ARHGEF28: variants seen among roughly 807,000 people sequenced by gnomAD.
ARHGEF28 encodes the protein 190 kDa guanine nucleotide exchange factor.
A neutral mutation model predicts 206.6 loss-of-function variants in ARHGEF28; 152 were observed. The observed-to-expected ratio is 0.74, with a 90% CI of 0.64 to 0.84. The LOEUF (loss-of-function observed/expected upper bound fraction) is 0.84. Ranked by LOEUF, ARHGEF28 falls within the 40% of genes least tolerant of loss-of-function variation. The pLI, the probability that ARHGEF28 is intolerant of heterozygous loss-of-function variation, is 0.00. For missense variants in ARHGEF28, 2,028 were observed against 2,073.2 expected (o/e 0.98, Z 0.42); for synonymous variants, 763 against 776.4 (o/e 0.98, Z 0.29).
chr5:73,892,968 A>G (rs1011765932), intron 27 of ARHGEF28, among the ~76,000 whole-genome samples: 12 of 152,084 alleles, frequency 7.9e-5, no homozygotes, highest in African/African-American at 2.9e-4. Flanking sequence ...TCACTGGAAT[A>G]TTTGAGTCAT....
chr5:73,842,196 A>G (rs1324353412), intron 11 of ARHGEF28, among the ~76,000 whole-genome samples: 1 of 152,134 alleles, frequency 6.6e-6, no homozygotes, highest in Non-Finnish European at 1.5e-5. Context: ...TTTCCCCCAT[A>G]TCCTACCCAT....
intron 29 of ARHGEF28, among the ~76,000 whole-genome samples, chr5:73,895,341 T>G (rs992407082): frequency 3.3e-5 from 5 of 152,066 alleles, no homozygotes; most frequent in African/African-American, 1.2e-4. Flanking sequence ...TTTATAGAAT[T>G]GAAAATACTG....
intron 10 of ARHGEF28, chr5:73,835,210 G>T (rs1237834724): frequency 6.6e-6 from 1 of 152,292 alleles, no homozygotes; most frequent in African/African-American, 2.4e-5. Flanking sequence ...GGTGGCTCAC[G>T]CCTGTAATCC....
At chr5:73,830,378 C>T (rs1210967447) in intron 9 of ARHGEF28, among the ~76,000 whole-genome samples, 6 of 150,948 alleles carry the variant, frequency 4.0e-5, no homozygotes, top group African/African-American at 1.5e-4. Context: ...ACGGTGAAAC[C>T]CCGTCTCTAC....
At chr5:73,717,241 G>C (rs1018294838) in intron 2 of ARHGEF28, among the ~76,000 whole-genome samples, 1 of 151,990 alleles carries the variant, frequency 6.6e-6, no homozygotes, top group East Asian at 1.9e-4. Flanking sequence ...TAGTATGCTG[G>C]CTTTGTTCCC....
At position 73,840,599 on chromosome 5, in the gene ARHGEF28, C is replaced by T; in HGVS notation, c.1266C>T (p.Thr422=). The T allele has an allele frequency of 6.2e-7, 1 of 1,614,012 alleles. No individual in the cohort carries two copies. Among genetic ancestry groups the T allele is most frequent in the East Asian group, 2.2e-5 (1 of 44,882 alleles). The part of the protein sequence containing the change: ...QSSKHTLPTE[T]SPSVYPLSEN... ...GCAAACACACCCTTCCTACAGAAAC[C>T]AGTCCCAGTGTGTACCCACTTAGTG... Residue 422 remains threonine (T), a synonymous_variant, in exon 11 of 36, where the codon ACC becomes ACT. Transcript: ENST00000513042.
At chr5:73,749,762 C>G in intron 2 of ARHGEF28, 75 bp from the exon 3 acceptor site, 1 of 1,534,680 alleles carries the variant, frequency 6.5e-7, no homozygotes, top group Non-Finnish European at 8.9e-7. Flanking sequence ...GTTATGGACC[C>G]AGGTCCTTTG....
chr5:73,873,934 T>G (rs1378163348), intron 22 of ARHGEF28, among the ~76,000 whole-genome samples: 1 of 152,216 alleles, frequency 6.6e-6, no homozygotes, highest in East Asian at 1.9e-4. Flanking sequence ...TGTTCAGTTT[T>G]GTAAGAAACT....
intron 35 of ARHGEF28, among the ~76,000 whole-genome samples, chr5:73,937,817 TG>T (rs1764502210): frequency 6.6e-6 from 1 of 152,130 alleles, no homozygotes; most frequent in African/African-American, 2.4e-5. Context: ...GGGTAAAAAG[TG>T]TGGAAAAAGG....
chr5:73,871,544 T>A (rs1475473028), intron 21 of ARHGEF28, among the ~76,000 whole-genome samples: 1 of 152,226 alleles, frequency 6.6e-6, no homozygotes, highest in Non-Finnish European at 1.5e-5. Context: ...GTACAACTAG[T>A]ACGTTTGGTG....
intron 1 of ARHGEF28, among the ~76,000 whole-genome samples, chr5:73,669,686 C>A (rs945324502): frequency 1.9e-4 from 28 of 150,922 alleles, no homozygotes; most frequent in Non-Finnish European, 4.1e-4. Flanking sequence ...CTAAGTTTTA[C>A]TTTATTTATT....
intron 26 of ARHGEF28, 150 bp downstream of exon 26, chr5:73,887,829 A>G (rs539911688): frequency 5.6e-4 from 392 of 700,432 alleles, no homozygotes; most frequent in Admixed American, 9.7e-4. Context: ...TGCAGTGTTT[A>G]GAGACAAGCA....
At chr5:73,686,480 A>G (rs1367095371) in intron 2 of ARHGEF28, among the ~76,000 whole-genome samples, 1 of 152,054 alleles carries the variant, frequency 6.6e-6, no homozygotes, top group Non-Finnish European at 1.5e-5. Flanking sequence ...AATGAACCAA[A>G]TAAAAACAAA....
chr5:73,859,501 G>A (rs1759259062), intron 16 of ARHGEF28, among the ~76,000 whole-genome samples: 1 of 152,202 alleles, frequency 6.6e-6, no homozygotes, highest in Admixed American at 6.5e-5. Flanking sequence ...ATCCACATAT[G>A]ACATTACAGG....
At chr5:73,749,527 G>A (rs908471994) in intron 2 of ARHGEF28, among the ~76,000 whole-genome samples, 9 of 152,206 alleles carry the variant, frequency 5.9e-5, no homozygotes, top group East Asian at 1.9e-4. Context: ...AAAGCAAACG[G>A]CAACGAAGTA....
chr5:73,917,813 C>A (rs1335222019), intron 35 of ARHGEF28, among the ~76,000 whole-genome samples: 1 of 152,232 alleles, frequency 6.6e-6, no homozygotes, highest in Non-Finnish European at 1.5e-5. Flanking sequence ...AAAAATAATA[C>A]ATGCACACAT....
chr5:73,782,310 G>A (rs1332265076), intron 7 of ARHGEF28, among the ~76,000 whole-genome samples: 2 of 151,968 alleles, frequency 1.3e-5, no homozygotes, highest in Non-Finnish European at 2.9e-5. Flanking sequence ...GTGGTGGTGT[G>A]CACCTGTAAT....
intron 2 of ARHGEF28, among the ~76,000 whole-genome samples, chr5:73,730,839 A>G (rs958957091): frequency 6.6e-6 from 1 of 152,166 alleles, no homozygotes; most frequent in Admixed American, 6.5e-5. Context: ...CTAAAAATTA[A>G]GTAGCTGTTT....
At chr5:73,869,064 A>T (rs1350661116) in intron 20 of ARHGEF28, among the ~76,000 whole-genome samples, 5 of 152,168 alleles carry the variant, frequency 3.3e-5, no homozygotes, top group African/African-American at 4.8e-5. Context: ...TAGTGACAAA[A>T]GAGAGGAGTG....
Sources: allele counts gnomAD v4.1 joint callset (sites outside exome capture counted in the v4.1 genomes callset), GRCh38; gene constraint gnomAD v4.1.1; transcripts MANE v1.5; gene names NCBI Gene and HGNC (gene_info 2026-07-23, HGNC 2026-07-21).